Variants in RSRP1 observed in about 807,000 individuals in gnomAD.
RSRP1 encodes the protein arginine and serine rich protein 1, also known as arginine/serine-rich protein 1.
A neutral mutation model predicts 33.0 loss-of-function variants in RSRP1; 37 were observed. The observed-to-expected ratio is 1.12, with a 90% CI of 0.86 to 1.48. The LOEUF is 1.48. Among genes scored for constraint, RSRP1 ranks in the 40% most tolerant of loss-of-function variants. RSRP1 has a pLI of 0.00. For missense variants in RSRP1, 402 were observed against 385.3 expected, an observed-to-expected ratio of 1.04 and a Z score of -0.36; for synonymous variants, 167 against 158.7, an observed-to-expected ratio of 1.05 and a Z score of -0.40.
intron 1 of RSRP1, among the ~76,000 whole-genome samples, chr1:25,279,202 G>A (rs1265479725): frequency 8.0e-6 from 1 of 125,734 alleles, no homozygotes; most frequent in East Asian, 2.0e-4. Context: ...CTTGCCTAAA[G>A]TCACACCGCT....
chr1:25,291,417 C>T lies in RSRP1; in HGVS notation c.-66-44388G>A, dbSNP rs35741698. 2.7e-4 allele frequency among the ~76,000 whole-genome samples: 35 copies of T among 131,668 alleles called. 7 individuals are homozygous for T. The highest frequency in any genetic ancestry group is 8.0e-4 in the African/African-American group (31 of 38,726). The allele number at this position is 131,668 out of a possible 152,430, so 86.4% of individuals were successfully genotyped here. A position where few individuals can be genotyped will look rare whatever the true frequency, so the allele number is the denominator to read the frequency against. On this transcript the variant is annotated intron_variant, in intron 1 of 1. Transcript: ENST00000561867. ...CCGAGAGGTGGAGGTTGCAGTGAAC[C>T]GAGATCGCGCCATTGCACTGCAGCC...
intron 1 of RSRP1, among the ~76,000 whole-genome samples, chr1:25,305,964 A>G (rs373498196): frequency 7.6e-6 from 1 of 131,888 alleles, no homozygotes; most frequent in Admixed American, 7.4e-5. Context: ...TTGAATTTGC[A>G]TATGTGTCCA....
rs1483067134 is a variant in RSRP1 at position 25,322,576 on chromosome 1, G to T, written c.-67+15402C>A. ...TAATCCCAGTTACTCAGGAGGCTGAGGCAGGAGAATCACTTGAACCTGGGA... is the reference window on the plus strand; with the variant it reads ...TAATCCCAGTTACTCAGGAGGCTGATGCAGGAGAATCACTTGAACCTGGGA... On this transcript the variant is annotated intron_variant, in intron 1 of 1. Transcript: ENST00000561867. 3.8e-5 allele frequency among the ~76,000 whole-genome samples: 5 copies of T among 132,340 alleles called. 1 individual carries two copies. Among genetic ancestry groups the T allele is most frequent in the African/African-American group, 1.3e-4 (5 of 38,780 alleles). The allele number at this position is 132,340 out of a possible 152,430, so 86.8% of individuals were successfully genotyped here.
chr1:25,303,018 G>A (rs1436949370), intron 1 of RSRP1, among the ~76,000 whole-genome samples: 1 of 130,866 alleles, frequency 7.6e-6, no homozygotes, highest in African/African-American at 2.6e-5. Context: ...GCTGCCCAGG[G>A]ACACACCACT....
rs537559238 is a variant in RSRP1, at chr1:25,282,457, A to T, written c.-66-35428T>A. Among the ~76,000 whole-genome samples, 33 of 131,388 alleles carry T rather than the reference A, an allele frequency of 2.5e-4. 2 individuals carry two copies. The East Asian group carries it at 5.7e-3, about 23-fold the overall frequency. 86.2% of individuals were successfully genotyped at this position (131,388 alleles called of 152,430 possible). On this transcript the variant is annotated intron_variant, in intron 1 of 1. Transcript: ENST00000561867. ...ACCATGTTGGCCAGGCTAGTCTCGA[A>T]CTGCTGACTTCATGATCTGCCCACC...
At chr1:25,319,644 G>A (rs983401453) in intron 1 of RSRP1, among the ~76,000 whole-genome samples, 1 of 131,888 alleles carries the variant, frequency 7.6e-6, no homozygotes, top group African/African-American at 2.6e-5. Context: ...CAATGGAAGG[G>A]GGAAAAAGTT....
chr1:25,313,051 C>T (rs1342615270), intron 1 of RSRP1, among the ~76,000 whole-genome samples: 1 of 121,060 alleles, frequency 8.3e-6, no homozygotes, highest in Non-Finnish European at 1.9e-5. Flanking sequence ...CCTCAAATTT[C>T]ATGTGTTGGA....
At chr1:25,333,343 A>G (rs1645041001) in intron 1 of RSRP1, among the ~76,000 whole-genome samples, 1 of 130,622 alleles carries the variant, frequency 7.7e-6, no homozygotes, top group Non-Finnish European at 1.8e-5. Context: ...AAAGAAGACA[A>G]CTTGTAGGAG....
rs1366630782 is a variant in RSRP1 at position 25,308,941 on chromosome 1, G to C, written c.-67+29037C>G. On this transcript the variant is annotated intron_variant, in intron 1 of 1. Coordinates refer to the RSRP1 transcript ENST00000561867. ...ATGGGAAAATAAGACCTATGTCACA[G>C]GGTTGCTGTGCAGATTTAGCAACAG... 2.3e-5 allele frequency among the ~76,000 whole-genome samples: 3 copies of C among 131,502 alleles called. 1 individual carries two copies. The highest frequency in any genetic ancestry group is 5.4e-5 in the Non-Finnish European group (3 of 55,806). 86.3% of individuals were successfully genotyped at this position (131,502 alleles called of 152,430 possible).
At chr1:25,245,782 T>C (rs994419701) in intron 2 of RSRP1, among the ~76,000 whole-genome samples, 33 of 152,232 alleles carry the variant, frequency 2.2e-4, no homozygotes, top group African/African-American at 7.5e-4. Context: ...AATAGTGATA[T>C]TATTTTGCTT....
Position 25,246,872 on chromosome 1 carries a change from G to A in RSRP1, c.92C>T (p.Ser31Leu). The change falls in exon 2 of 5, where the codon TCG becomes TTG. Residue 31 changes from serine to leucine, a missense_variant. Coordinates refer to ENST00000243189, the MANE Select transcript of RSRP1 (RefSeq NM_020317.5). ...TSRSGGSSRL[S>L]SRSRSRSFSR... ...AAAAGAGCGGCTCCTAGACCGCGAC[G>A]ACAGCCGGCTGGACCCGCCCGACCG... 4 of 1,610,306 alleles carry A rather than the reference G, an allele frequency of 2.5e-6. No homozygotes were observed. The highest frequency in any genetic ancestry group is 1.1e-5 in the South Asian group (1 of 91,028).
At chr1:25,319,586 A>C (rs1319128155) in intron 1 of RSRP1, among the ~76,000 whole-genome samples, 1 of 132,210 alleles carries the variant, frequency 7.6e-6, no homozygotes, top group Non-Finnish European at 1.8e-5. Flanking sequence ...TCCAGCCTGG[A>C]CAACAGAGCA....
intron 1 of RSRP1, chr1:25,303,392 C>T (rs778406196): frequency 2.2e-6 from 3 of 1,378,734 alleles, no homozygotes; most frequent in South Asian, 1.2e-5. Flanking sequence ...ATCCCTTCTC[C>T]GTGGCTTGCC....
At chr1:25,244,062 T>TC in intron 3 of RSRP1, 2 of 1,205,216 alleles carry the variant, frequency 1.7e-6, no homozygotes, top group Non-Finnish European at 2.1e-6. Flanking sequence ...ATACAGCATT[T>TC]TTTTTTTTTA....
Position 25,252,778 on chromosome 1 carries a change from G to A in RSRP1, c.-66-5749C>T, listed in dbSNP as rs180823710. 3.5e-4 allele frequency among the ~76,000 whole-genome samples: 53 copies of A among 151,912 alleles called. No individual in the cohort carries two copies. In the East Asian group the frequency reaches 5.2e-3, roughly 15 times the overall value. ...TCGAACCTCTGACCTCAGGTGATCC[G>A]CCCACCTTGGCCTCCCAAAGTGCTG... is the stretch of plus-strand genomic sequence containing the variant. On this transcript the variant is annotated intron_variant, in intron 1 of 1. Coordinates refer to the RSRP1 transcript ENST00000561867.
intron 1 of RSRP1, among the ~76,000 whole-genome samples, chr1:25,292,576 G>T (rs954584308): frequency 1.5e-5 from 2 of 130,700 alleles, no homozygotes; most frequent in Non-Finnish European, 3.6e-5. Flanking sequence ...GATGGGGAAT[G>T]TTGGGGTGGG....
intron 1 of RSRP1, among the ~76,000 whole-genome samples, chr1:25,308,787 A>G (rs1359043099): frequency 7.7e-6 from 1 of 129,366 alleles, no homozygotes; most frequent in African/African-American, 2.7e-5. Context: ...AGTGACAGTG[A>G]TGATCTCTCT....
At position 25,278,152 on chromosome 1, in the gene RSRP1, T is replaced by C. The variant is rs1172171239; in HGVS notation, c.-66-31123A>G. 3.1e-5 allele frequency among the ~76,000 whole-genome samples: 4 copies of C among 129,226 alleles called. 1 individual carries two copies. The highest frequency in any genetic ancestry group is 5.5e-5 in the Non-Finnish European group (3 of 54,656). The allele number at this position is 129,226 out of a possible 152,430, so 84.8% of individuals were successfully genotyped here. A position where few individuals can be genotyped will look rare whatever the true frequency, so the allele number is the denominator to read the frequency against. Reference sequence around the variant, plus strand: ...AGATGGGCAGGGGCAGTGGAGGAGATTCTAGAGATATTTAGGAGATAAGTC... The same window carrying C: ...AGATGGGCAGGGGCAGTGGAGGAGACTCTAGAGATATTTAGGAGATAAGTC... On this transcript the variant is annotated intron_variant, in intron 1 of 1. Transcript: ENST00000561867.
intron 1 of RSRP1, among the ~76,000 whole-genome samples, chr1:25,333,505 A>C (rs535485567): frequency 1.5e-5 from 2 of 129,962 alleles, no homozygotes; most frequent in African/African-American, 5.4e-5. Context: ...TATCACGGTC[A>C]GCAAAGAAGC....
Sources: allele counts gnomAD v4.1 joint callset (sites outside exome capture counted in the v4.1 genomes callset), GRCh38; gene constraint gnomAD v4.1.1; transcripts MANE v1.5; gene names NCBI Gene and HGNC (gene_info 2026-07-23, HGNC 2026-07-21).